XRN1: variants seen among roughly 807,000 people sequenced by gnomAD.
The protein encoded by XRN1 is 5'-3' exoribonuclease 1.
In XRN1, 67 loss-of-function variants were observed where a neutral mutation model predicts 222.3. The observed-to-expected ratio is 0.30, with a 90% CI of 0.25 to 0.37. The LOEUF is 0.37. Among genes scored for constraint, XRN1 ranks in the 10% least tolerant of loss-of-function variants. The pLI is 1.00. For missense variants in XRN1, 1,707 were observed against 2,000.2 expected (o/e 0.85, Z 2.80); for synonymous variants, 643 against 652.4 (o/e 0.99, Z 0.22).
At chr3:142,388,017 A>T (rs780088278) in intron 20 of XRN1, among the ~76,000 whole-genome samples, 6 of 152,198 alleles carry the variant, frequency 3.9e-5, no homozygotes, top group Non-Finnish European at 7.3e-5. Context: ...TGCAGTCTGC[A>T]GAACTTTGAG....
intron 20 of XRN1, among the ~76,000 whole-genome samples, chr3:142,385,201 C>A (rs2067451705): frequency 6.6e-6 from 1 of 151,982 alleles, no homozygotes; most frequent in South Asian, 2.1e-4. Flanking sequence ...TTCAAATAGC[C>A]AAAAGGTAGA....
At chr3:142,362,777 C>G (rs1559817511) in intron 29 of XRN1, among the ~76,000 whole-genome samples, 1 of 132,246 alleles carries the variant, frequency 7.6e-6, no homozygotes. Flanking sequence ...CTCTCTCTCT[C>G]TCTTTCTTTT....
At chr3:142,352,236 A>G (rs1232533314) in intron 32 of XRN1, among the ~76,000 whole-genome samples, 1 of 152,174 alleles carries the variant, frequency 6.6e-6, no homozygotes, top group African/African-American at 2.4e-5. Flanking sequence ...TTTGGCCCCA[A>G]GGCATAATTG....
intron 2 of XRN1, among the ~76,000 whole-genome samples, chr3:142,429,368 T>C (rs1366005894): frequency 6.6e-6 from 1 of 152,078 alleles, no homozygotes; most frequent in East Asian, 1.9e-4. Context: ...TAGGCTGATC[T>C]TGAACTCCTG....
intron 1 of XRN1, among the ~76,000 whole-genome samples, chr3:142,441,005 G>A (rs897103732): frequency 4.6e-5 from 7 of 151,934 alleles, no homozygotes; most frequent in East Asian, 1.9e-4. Flanking sequence ...ACTTTTGGCC[G>A]CCCATTCAGA....
In XRN1 at chr3:142,448,032, GC is replaced by G; in HGVS notation, c.-89del. 2.1e-6 allele frequency: 3 copies of G among 1,419,836 alleles called. No homozygotes were observed. In the South Asian group the frequency reaches 3.5e-5, roughly 17 times the overall value. 88.0% of individuals were successfully genotyped at this position (1,419,836 alleles called of 1,614,324 possible). On this transcript the variant is annotated 5_prime_UTR_variant, in exon 1 of 41. Transcript: ENST00000392981. Reference sequence around the variant, plus strand: ...CGCCGCAGCCTCCGGTCGTCGCTCCGCGGATGACAACACACCGCCCGGCCGA... The same window carrying G: ...CGCCGCAGCCTCCGGTCGTCGCTCCGGGATGACAACACACCGCCCGGCCGA...
At chr3:142,322,491 A>T (rs906218189) in intron 37 of XRN1, among the ~76,000 whole-genome samples, 9 of 151,934 alleles carry the variant, frequency 5.9e-5, no homozygotes, top group Admixed American at 4.6e-4. Context: ...GCGTGAGACT[A>T]GCCTGGCCAA....
chr3:142,343,859 T>C (rs556933565), intron 33 of XRN1, among the ~76,000 whole-genome samples: 1 of 152,098 alleles, frequency 6.6e-6, no homozygotes, highest in Non-Finnish European at 1.5e-5. Flanking sequence ...GGTGAACAGA[T>C]AAAGAAAATG....
chr3:142,313,032 A>T (rs2065118487), intron 39 of XRN1: 2 of 1,309,762 alleles, frequency 1.5e-6, no homozygotes, highest in Non-Finnish European at 2.1e-6. Flanking sequence ...TACAAGTTTT[A>T]GGAATATTTG....
chr3:142,315,498 A>G (rs942947112), intron 39 of XRN1, among the ~76,000 whole-genome samples: 2 of 150,106 alleles, frequency 1.3e-5, no homozygotes, highest in African/African-American at 4.9e-5. Flanking sequence ...TGTACTAAAA[A>G]AGATTTTCTT....
At chr3:142,335,282 G>A (rs1169550693) in intron 34 of XRN1, among the ~76,000 whole-genome samples, 166 bp downstream of exon 34, 1 of 152,104 alleles carries the variant, frequency 6.6e-6, no homozygotes, top group African/African-American at 2.4e-5. Flanking sequence ...AGGACTTTAG[G>A]TGTACAACCT....
At chr3:142,437,936 T>C (rs761999786) in intron 1 of XRN1, among the ~76,000 whole-genome samples, 4 of 152,132 alleles carry the variant, frequency 2.6e-5, no homozygotes, top group African/African-American at 7.2e-5. Context: ...AATAGGAACA[T>C]GACAAGGTGC....
intron 2 of XRN1, chr3:142,429,655 C>T (rs1471134568): frequency 6.6e-6 from 1 of 152,190 alleles, no homozygotes; most frequent in African/African-American, 2.4e-5. Context: ...GGTTATAATG[C>T]ATTGGCCCTC....
At chr3:142,389,128 G>A (rs1449773017) in intron 20 of XRN1, among the ~76,000 whole-genome samples, 1 of 152,170 alleles carries the variant, frequency 6.6e-6, no homozygotes, top group Non-Finnish European at 1.5e-5. Flanking sequence ...CACGAGAATA[G>A]CTTGAACACA....
At chr3:142,419,637 C>T (rs758434765) in intron 10 of XRN1, among the ~76,000 whole-genome samples, 50 of 152,058 alleles carry the variant, frequency 3.3e-4, no homozygotes, top group Non-Finnish European at 6.5e-4. Context: ...AGTGAAACCC[C>T]GTCTCTACTA....
intron 29 of XRN1, among the ~76,000 whole-genome samples, chr3:142,360,361 C>T (rs1476591109): frequency 6.6e-6 from 1 of 152,104 alleles, no homozygotes; most frequent in East Asian, 1.9e-4. Context: ...CATGTGCATT[C>T]AGTTTTCTGG....
At chr3:142,331,189 T>C (rs931878204) in intron 36 of XRN1, among the ~76,000 whole-genome samples, 7 of 152,178 alleles carry the variant, frequency 4.6e-5, no homozygotes, top group South Asian at 2.1e-4. Flanking sequence ...TCTGAGAAAC[T>C]TCTGCCCACA....
chr3:142,350,594 T>C (rs2066276716), intron 32 of XRN1, among the ~76,000 whole-genome samples: 1 of 152,054 alleles, frequency 6.6e-6, no homozygotes, highest in Admixed American at 6.6e-5. Flanking sequence ...GAATAGACTG[T>C]AGAGGAGCCA....
intron 37 of XRN1, among the ~76,000 whole-genome samples, chr3:142,328,892 A>C (rs886449756): frequency 1.9e-4 from 29 of 149,570 alleles, no homozygotes; most frequent in African/African-American, 7.1e-4. Context: ...AGCAGCTGGG[A>C]CTACAGGCTC....
Sources: gnomAD v4.1 joint callset for allele counts (sites outside exome capture counted in the v4.1 genomes callset) on GRCh38, gnomAD v4.1.1 for gene constraint, MANE v1.5 for transcripts, NCBI Gene and HGNC (gene_info 2026-07-23, HGNC 2026-07-21) for gene names.